The following ZNF560 variants were observed in gnomAD, a reference collection of about 807,000 sequenced individuals.
ZNF560 encodes the protein zinc finger protein 560.
ZNF560 carries 54 observed loss-of-function variants against 81.8 expected under a neutral mutation model. The ratio of observed to expected loss-of-function variants is 0.66; its 90% CI spans 0.53 to 0.83. ZNF560 has a LOEUF of 0.83. Among genes scored for constraint, ZNF560 ranks in the 40% least tolerant of loss-of-function variants. ZNF560 has a pLI of 0.00. For synonymous variants in ZNF560, 321 were observed against 317.9 expected, an observed-to-expected ratio of 1.01 and a Z score of -0.10; for missense variants, 940 against 932.4, an observed-to-expected ratio of 1.01 and a Z score of -0.11.
At chr19:9,451,715 C>G in the ZNF560 span, among the ~76,000 whole-genome samples, 1 of 152,146 alleles carries the variant, frequency 6.6e-6, no homozygotes, top group Admixed American at 6.5e-5. Flanking sequence ...ATGCATCTGA[C>G]AAAGGTCTAA....
Position 9,467,343 on chromosome 19 carries a change from A to G in ZNF560, c.1604T>C (p.Met535Thr), listed in dbSNP as rs754053302. The G allele has an allele frequency of 3.4e-5, 55 of 1,614,078 alleles. No individual in the cohort carries two copies. The Admixed American group carries it at 6.8e-4, about 20-fold the overall frequency. The change falls in exon 10 of 10, where the codon ATG (methionine) becomes ACG (threonine). Residue 535 changes from methionine (M) to threonine (T), a missense_variant. Transcript: ENST00000301480. ...GAGTCTCTCTTCTGTGTGAGTTCGCATGTGAATACGAAGACAGGCAGAAGA... is the reference window on the plus strand; with the variant it reads ...GAGTCTCTCTTCTGTGTGAGTTCGCGTGTGAATACGAAGACAGGCAGAAGA... The part of the protein sequence containing the change: ...FTSSACLRIH[M>T]RTHTEERLYQ...
chr19:9,450,579 A>G, the ZNF560 span, among the ~76,000 whole-genome samples: 1 of 152,184 alleles, frequency 6.6e-6, no homozygotes. Context: ...TTTTAAAGAT[A>G]CAGTCTCGCT....
Position 9,467,592 on chromosome 19 carries a change from C to A in ZNF560, c.1355G>T (p.Arg452Ile). The A allele has an allele frequency of 6.2e-7, 1 of 1,614,118 alleles. No individual in the cohort carries two copies. The change falls in exon 10 of 10, where the codon AGA becomes ATA. Residue 452 changes from arginine to isoleucine, a missense_variant. Coordinates refer to ENST00000301480, the MANE Select transcript of ZNF560 (RefSeq NM_152476.3). ...ATATGGCTTCTCTCCATTATGAACTCTCAAATGTCCAAAAAGAGATGGGTA... is the reference window on the plus strand; with the variant it reads ...ATATGGCTTCTCTCCATTATGAACTATCAAATGTCCAAAAAGAGATGGGTA... ...ISYPSLFGHL[R>I]VHNGEKPYEH...
upstream of ZNF560, among the ~76,000 whole-genome samples, chr19:9,501,080 T>C (rs570367670): frequency 3.9e-5 from 6 of 152,162 alleles, no homozygotes; most frequent in East Asian, 9.6e-4. Flanking sequence ...TGCTGTTGGA[T>C]ATGATTTGCT....
At chr19:9,478,856 T>TA (rs140712771) in intron 2 of ZNF560, among the ~76,000 whole-genome samples, 15,903 of 150,582 alleles carry the variant, frequency 0.11, 964 homozygotes, top group South Asian at 0.2. Context: ...ACAAAGAATA[T>TA]AAAAAAAAAC....
At chr19:9,449,756 G>A in the ZNF560 span, among the ~76,000 whole-genome samples, 1 of 151,758 alleles carries the variant, frequency 6.6e-6, no homozygotes. Context: ...ATCACCTGAG[G>A]TGAGGAGTTC....
rs748679354 is a variant in ZNF560 at position 9,468,185 on chromosome 19, T to C, written c.762A>G (p.Leu254=). The change falls in exon 10 of 10, where the codon CTA becomes CTG. Residue 254 remains leucine, a synonymous_variant. Transcript: ENST00000301480. The stretch of plus-strand genomic sequence containing the variant: ...TCCTTATGGTAGAGGTTTTATTGTA[T>C]AGAGAAAGGAGGTCTTTTGCATACT... ...CIQYAKDLLS[L]YNKTSTIRKV... is the part of the protein sequence containing the mutation. 3.1e-6 allele frequency: 5 copies of C among 1,614,168 alleles called. No individual in the cohort carries two copies. Among genetic ancestry groups the C allele is most frequent in the Non-Finnish European group, 3.4e-6 (4 of 1,180,018 alleles).
intron 2 of ZNF560, among the ~76,000 whole-genome samples, chr19:9,492,745 T>C (rs73501896): frequency 4.6e-5 from 7 of 152,264 alleles, no homozygotes; most frequent in African/African-American, 1.7e-4. Context: ...GAATCAGAGA[T>C]CACTAGATAC....
At chr19:9,484,511 G>A (rs551544044) in intron 2 of ZNF560, among the ~76,000 whole-genome samples, 2 of 152,056 alleles carry the variant, frequency 1.3e-5, no homozygotes, top group East Asian at 3.9e-4. Flanking sequence ...GCAGAGTATG[G>A]TGGCTCACAC....
chr19:9,475,179 T>C (rs1466142145), intron 3 of ZNF560, 105 bp downstream of exon 3: 2 of 1,244,836 alleles, frequency 1.6e-6, no homozygotes, highest in South Asian at 1.3e-5. Flanking sequence ...TGAGTGAGTC[T>C]TTATTTACTT....
rs544967522 is a variant in ZNF560, at chr19:9,482,345, G to A, written c.-56-6976C>T. Reference sequence around the variant, plus strand: ...TGTAAATGGCGAGTTAATGGGTGCAGCAAACCAACATGGCACATGTATATA... The same window carrying A: ...TGTAAATGGCGAGTTAATGGGTGCAACAAACCAACATGGCACATGTATATA... On this transcript the variant is annotated intron_variant, in intron 2 of 9. Coordinates refer to ENST00000301480, the MANE Select transcript of ZNF560 (RefSeq NM_152476.3). Among the ~76,000 whole-genome samples, 549 of 150,712 alleles carry A rather than the reference G, an allele frequency of 3.6e-3. 3 individuals carry two copies. Among genetic ancestry groups the A allele is most frequent in the Non-Finnish European group, 6.7e-3 (455 of 67,862 alleles).
At chr19:9,492,862 T>C (rs2073494398) in intron 2 of ZNF560, among the ~76,000 whole-genome samples, 1 of 152,202 alleles carries the variant, frequency 6.6e-6, no homozygotes, top group South Asian at 2.1e-4. Context: ...TGTAGAGCAC[T>C]GTAATTTGGA....
intron 2 of ZNF560, among the ~76,000 whole-genome samples, chr19:9,479,663 C>A (rs747317201): frequency 2.6e-5 from 4 of 151,930 alleles, no homozygotes; most frequent in Non-Finnish European, 5.9e-5. Context: ...ATGCATGGGT[C>A]CAACTTTATT....
At chr19:9,497,884 G>C (rs1047448597) in intron 2 of ZNF560, among the ~76,000 whole-genome samples, 1 of 152,198 alleles carries the variant, frequency 6.6e-6, no homozygotes, top group Non-Finnish European at 1.5e-5. Flanking sequence ...CAGATGAAAA[G>C]AATGGCTGAG....
chr19:9,480,784 A>T (rs1218257662), intron 2 of ZNF560, among the ~76,000 whole-genome samples: 1 of 152,090 alleles, frequency 6.6e-6, no homozygotes, highest in African/African-American at 2.4e-5. Flanking sequence ...GTACAAAAAA[A>T]TGCTTTCAAA....
chr19:9,502,953 C>T (rs1027293815), upstream of ZNF560, among the ~76,000 whole-genome samples: 14 of 152,078 alleles, frequency 9.2e-5, no homozygotes, highest in Admixed American at 2.6e-4. Context: ...CTCCATTTCA[C>T]GTATTTCCCT....
At position 9,487,504 on chromosome 19, in the gene ZNF560, T is replaced by C. The variant is rs1028894097; in HGVS notation, c.-57+10624A>G. 3.3e-5 allele frequency among the ~76,000 whole-genome samples: 5 copies of C among 152,146 alleles called. No individual in the cohort carries two copies. In the South Asian group the frequency reaches 1.0e-3, roughly 32 times the overall value. ...TTGCAATTACACTTTGAGAGGCTCA[T>C]GATATTAGATTTATTATACTCATAG... On this transcript the variant is annotated intron_variant, in intron 2 of 9. Transcript: ENST00000301480.
the ZNF560 span, among the ~76,000 whole-genome samples, chr19:9,455,124 G>T: frequency 2.0e-5 from 3 of 152,284 alleles, no homozygotes; most frequent in South Asian, 2.1e-4. Context: ...TAATTTAGAG[G>T]CTTGGAAGTT....
At chr19:9,451,799 G>A in the ZNF560 span, among the ~76,000 whole-genome samples, 1 of 152,072 alleles carries the variant, frequency 6.6e-6, no homozygotes, top group East Asian at 1.9e-4. Context: ...AAATGGTTTG[G>A]CGCAGTGTCT....
Sources: gnomAD v4.1 joint callset for allele counts (sites outside exome capture counted in the v4.1 genomes callset) on GRCh38, gnomAD v4.1.1 for gene constraint, MANE v1.5 for transcripts, NCBI Gene and HGNC (gene_info 2026-07-23, HGNC 2026-07-21) for gene names.